JAZF1: variants seen among roughly 807,000 people sequenced by gnomAD.
The protein encoded by JAZF1 is juxtaposed with another zinc finger protein 1.
In JAZF1, 8 loss-of-function variants were observed where a neutral mutation model predicts 26.4. The observed-to-expected ratio is 0.30, with a 90% CI of 0.18 to 0.55. The LOEUF is 0.55. JAZF1 is among the 20% of genes least tolerant of loss of function. The pLI is 0.94. For missense variants in JAZF1, 199 were observed against 322.0 expected (o/e 0.62, Z 2.92); for synonymous variants, 126 against 122.3 (o/e 1.03, Z -0.20).
rs551479363 is a variant in JAZF1 at position 27,939,019 on chromosome 7, AC to A, written c.189-43604del. ...AGAATGGCTCTCACTTGTTTCCATG[AC>A]TGATGCCGCTTTTGCCACCATCACT... On this transcript the variant is annotated intron_variant, in intron 2 of 4. Transcript: ENST00000283928. Among the ~76,000 whole-genome samples the A allele has an allele frequency of 9.9e-5, 15 of 152,270 alleles. No individual in the cohort carries two copies. The South Asian group carries it at 3.1e-3, about 32-fold the overall frequency.
chr7:27,911,225 G>A (rs1321998310), intron 2 of JAZF1, among the ~76,000 whole-genome samples: 1 of 152,168 alleles, frequency 6.6e-6, no homozygotes, highest in Non-Finnish European at 1.5e-5. Context: ...AGCTTCAGGT[G>A]GATATCTGGA....
At chr7:28,099,004 C>T (rs529864310) in intron 1 of JAZF1, among the ~76,000 whole-genome samples, 2 of 152,190 alleles carry the variant, frequency 1.3e-5, no homozygotes, top group Non-Finnish European at 2.9e-5. Context: ...GCTACTCTAC[C>T]TTTTCCTAAT....
chr7:28,164,508 G>A (rs1000257808), intron 1 of JAZF1, among the ~76,000 whole-genome samples: 9 of 152,064 alleles, frequency 5.9e-5, no homozygotes, highest in South Asian at 2.1e-4. Flanking sequence ...AGATGTCCTC[G>A]GTAAAACAAA....
In JAZF1 at chr7:27,968,840, TG is replaced by T. The variant is rs1785322562; in HGVS notation, c.188+23068del. ...AATGGGCAATAAAAGAAAGTAGGGA[TG>T]TTTGTATGGGCACAAGGAAGACAAG... On this transcript the variant is annotated intron_variant, in intron 2 of 4. Transcript: ENST00000283928. 5.9e-5 allele frequency among the ~76,000 whole-genome samples: 9 copies of T among 152,068 alleles called. No individual in the cohort carries two copies. In the South Asian group the frequency reaches 1.9e-3, roughly 32 times the overall value.
chr7:27,950,942 A>G (rs1467872541), intron 2 of JAZF1, among the ~76,000 whole-genome samples: 3 of 152,046 alleles, frequency 2.0e-5, no homozygotes, highest in Non-Finnish European at 4.4e-5. Flanking sequence ...TCCTGCATAC[A>G]AGATAATTTC....
At chr7:27,843,735 G>C (rs1056750140) in intron 3 of JAZF1, 1 of 152,202 alleles carries the variant, frequency 6.6e-6, no homozygotes, top group Non-Finnish European at 1.5e-5. Context: ...AGAGCACTGT[G>C]AGCCCAGGCA....
intron 2 of JAZF1, among the ~76,000 whole-genome samples, chr7:27,987,429 G>C (rs951998630): frequency 6.6e-6 from 1 of 151,452 alleles, no homozygotes; most frequent in Non-Finnish European, 1.5e-5. Flanking sequence ...CAGCCGCCCC[G>C]TCTGGGAAGT....
intron 1 of JAZF1, among the ~76,000 whole-genome samples, chr7:28,071,076 T>C (rs568367203): frequency 1.1e-4 from 17 of 152,180 alleles, no homozygotes; most frequent in African/African-American, 2.9e-4. Context: ...TATTCCTACA[T>C]GGGGAAGGCA....
intron 1 of JAZF1, among the ~76,000 whole-genome samples, chr7:28,099,981 T>C (rs1784447333): frequency 6.6e-6 from 1 of 152,220 alleles, no homozygotes; most frequent in Non-Finnish European, 1.5e-5. Context: ...AAACATCGTG[T>C]TCTTTTTAAT....
intron 2 of JAZF1, among the ~76,000 whole-genome samples, chr7:27,964,971 CT>C (rs1331899181): frequency 1.8e-4 from 27 of 152,166 alleles, no homozygotes; most frequent in Non-Finnish European, 3.4e-4. Context: ...GCATGTGTTT[CT>C]TTTTTCTAAC....
rs556500169 is a variant in JAZF1, at chr7:27,920,154, T to A, written c.189-24738A>T. Among the ~76,000 whole-genome samples, 7 of 152,280 alleles carry A rather than the reference T, an allele frequency of 4.6e-5. No individual in the cohort carries two copies. The South Asian group carries it at 1.5e-3, about 32-fold the overall frequency. On this transcript the variant is annotated intron_variant, in intron 2 of 4. Coordinates refer to ENST00000283928, the MANE Select transcript of JAZF1 (RefSeq NM_175061.4). Reference sequence around the variant, plus strand: ...GTTTTAGTACAGTGAGTCCTTAGCGTTCCTTAAAACTTCAGCTTCATTTGG... The same window carrying A: ...GTTTTAGTACAGTGAGTCCTTAGCGATCCTTAAAACTTCAGCTTCATTTGG...
At chr7:27,855,124 C>G (rs901999820) in intron 3 of JAZF1, among the ~76,000 whole-genome samples, 3 of 152,010 alleles carry the variant, frequency 2.0e-5, no homozygotes, top group Non-Finnish European at 4.4e-5. Flanking sequence ...TCTTCAATCC[C>G]TGACATCCTT....
intron 1 of JAZF1, among the ~76,000 whole-genome samples, chr7:28,159,787 T>C (rs549708034): frequency 6.6e-6 from 1 of 152,148 alleles, no homozygotes; most frequent in Non-Finnish European, 1.5e-5. Context: ...GGTGTACACA[T>C]AGCCTATTAT....
chr7:27,858,132 T>G (rs747424930), intron 3 of JAZF1, among the ~76,000 whole-genome samples: 15 of 152,084 alleles, frequency 9.9e-5, no homozygotes, highest in Non-Finnish European at 4.4e-5. Context: ...CCACTCACAA[T>G]TGCTACTAAG....
At chr7:28,043,413 T>G (rs1225136681) in intron 1 of JAZF1, among the ~76,000 whole-genome samples, 1 of 152,190 alleles carries the variant, frequency 6.6e-6, no homozygotes, top group Non-Finnish European at 1.5e-5. Flanking sequence ...CTCGTCATGT[T>G]CCACCCACCT....
chr7:27,921,577 T>C (rs922575967), intron 2 of JAZF1, among the ~76,000 whole-genome samples: 1 of 152,230 alleles, frequency 6.6e-6, no homozygotes, highest in Non-Finnish European at 1.5e-5. Flanking sequence ...AGAGCATCTC[T>C]GTTAACTTGT....
intron 1 of JAZF1, among the ~76,000 whole-genome samples, chr7:28,025,970 A>C (rs868601179): frequency 2.6e-5 from 4 of 152,232 alleles, no homozygotes; most frequent in African/African-American, 9.6e-5. Flanking sequence ...CATATAATTC[A>C]TTGTCCAAAC....
chr7:27,896,243 G>A (rs216), intron 2 of JAZF1, among the ~76,000 whole-genome samples: 65,507 of 152,018 alleles, frequency 0.43, 14,326 homozygotes, highest in East Asian at 0.57. Context: ...TTCAAACTTT[G>A]TTCTTTTCTC....
intron 1 of JAZF1, among the ~76,000 whole-genome samples, chr7:28,006,014 A>C (rs1208571933): frequency 6.6e-6 from 1 of 152,194 alleles, no homozygotes; most frequent in East Asian, 1.9e-4. Context: ...TGGCTCCTAC[A>C]CATGAAGAGG....
Sources: gnomAD v4.1 joint callset for allele counts (sites outside exome capture counted in the v4.1 genomes callset) on GRCh38, gnomAD v4.1.1 for gene constraint, MANE v1.5 for transcripts, NCBI Gene and HGNC (gene_info 2026-07-23, HGNC 2026-07-21) for gene names.